Variants in ATP8B4 observed in about 807,000 individuals in gnomAD.
The protein encoded by ATP8B4 is probable phospholipid-transporting ATPase IM.
In ATP8B4, 133 loss-of-function variants were observed where a neutral mutation model predicts 145.6. The ratio of observed to expected loss-of-function variants is 0.91; its 90% CI spans 0.79 to 1.05. ATP8B4 has a LOEUF of 1.05. Ranked by LOEUF, ATP8B4 falls within the 50% of genes least tolerant of loss-of-function variation. The pLI, the probability that ATP8B4 is intolerant of heterozygous loss-of-function variation, is 0.00. For missense variants in ATP8B4, 1,458 were observed against 1,425.2 expected, an observed-to-expected ratio of 1.02 and a Z score of -0.37; for synonymous variants, 507 against 492.9, an observed-to-expected ratio of 1.03 and a Z score of -0.38.
At chr15:49,916,288 GCTACCT>G (rs1165761168) in intron 20 of ATP8B4, among the ~76,000 whole-genome samples, 1 of 152,112 alleles carries the variant, frequency 6.6e-6, no homozygotes, top group Non-Finnish European at 1.5e-5. Flanking sequence ...TCTGTCCACT[GCTACCT>G]CCAATTTCAG....
intron 14 of ATP8B4, among the ~76,000 whole-genome samples, chr15:49,953,889 C>T (rs559341491): frequency 2.6e-5 from 4 of 152,284 alleles, no homozygotes; most frequent in South Asian, 2.1e-4. Context: ...GGCTGGGTAG[C>T]GTGCTCACTC....
intron 20 of ATP8B4, among the ~76,000 whole-genome samples, chr15:49,911,526 C>T (rs1170750041): frequency 6.6e-6 from 1 of 151,952 alleles, no homozygotes; most frequent in Non-Finnish European, 1.5e-5. Flanking sequence ...CTGAAGTACC[C>T]AGATATATAA....
At chr15:50,095,969 C>T (rs1420464503) in intron 2 of ATP8B4, among the ~76,000 whole-genome samples, 1 of 152,166 alleles carries the variant, frequency 6.6e-6, no homozygotes, top group East Asian at 1.9e-4. Flanking sequence ...ACTATTAGAT[C>T]GAAATCAGCA....
intron 1 of ATP8B4, among the ~76,000 whole-genome samples, chr15:50,135,285 TA>T (rs992642481): frequency 6.6e-5 from 10 of 152,182 alleles, no homozygotes; most frequent in African/African-American, 2.4e-4. Context: ...GATAAGGAGG[TA>T]CTCTACATTT....
At chr15:50,130,988 T>C (rs189403216) in intron 1 of ATP8B4, among the ~76,000 whole-genome samples, 268 of 152,200 alleles carry the variant, frequency 1.8e-3, no homozygotes, top group Middle Eastern at 3.4e-3. Flanking sequence ...CTTACAATCA[T>C]GGCAGAAGGT....
intron 1 of ATP8B4, among the ~76,000 whole-genome samples, chr15:50,162,155 A>G (rs940275414): frequency 6.6e-5 from 10 of 152,070 alleles, no homozygotes; most frequent in Non-Finnish European, 1.5e-4. Context: ...GCTTTCTTGT[A>G]TGTTACTTTT....
chr15:49,925,342 A>T (rs1242704806), intron 16 of ATP8B4, among the ~76,000 whole-genome samples: 2 of 152,156 alleles, frequency 1.3e-5, no homozygotes, highest in Non-Finnish European at 2.9e-5. Flanking sequence ...TTGGATTCCC[A>T]TATCTGTTTC....
chr15:50,048,270 G>A (rs772312780), intron 3 of ATP8B4, among the ~76,000 whole-genome samples: 6 of 145,296 alleles, frequency 4.1e-5, no homozygotes, highest in African/African-American at 1.2e-4. Context: ...AATGCTTGTC[G>A]GGGGGCACTT....
At chr15:49,934,265 G>C in intron 14 of ATP8B4, 83 bp from the exon 15 acceptor site, 2 of 1,426,142 alleles carry the variant, frequency 1.4e-6, no homozygotes, top group East Asian at 2.4e-5. Context: ...GTTCCCCCAA[G>C]TATTTTTAGT....
chr15:49,944,741 G>C lies in ATP8B4; in HGVS notation c.1288-10559C>G, dbSNP rs144766077. On this transcript the variant is annotated intron_variant, in intron 14 of 27. Transcript: ENST00000284509. ...CAACATATATACAACAAAACATTCT[G>C]CCCAACAACAGCAGAATGCACATTC... 8.6e-4 allele frequency among the ~76,000 whole-genome samples: 131 copies of C among 152,206 alleles called. 2 individuals carry two copies. The highest frequency in any genetic ancestry group is 7.5e-3 in the South Asian group (36 of 4,824).
intron 10 of ATP8B4, among the ~76,000 whole-genome samples, chr15:49,982,035 C>G (rs1354483674): frequency 6.6e-6 from 1 of 152,006 alleles, no homozygotes; most frequent in Non-Finnish European, 1.5e-5. Flanking sequence ...AGAGAAAATG[C>G]TAAATAGAAG....
intron 23 of ATP8B4, among the ~76,000 whole-genome samples, chr15:49,881,651 G>C (rs1427588810): frequency 6.6e-6 from 1 of 152,320 alleles, no homozygotes; most frequent in East Asian, 1.9e-4. Context: ...TAGTCCACTA[G>C]TCAGGCAACC....
At chr15:50,041,023 T>C (rs1389203460) in intron 5 of ATP8B4, among the ~76,000 whole-genome samples, 3 of 152,212 alleles carry the variant, frequency 2.0e-5, no homozygotes, top group Non-Finnish European at 4.4e-5. Flanking sequence ...TTGCCTCATG[T>C]CAAACTGTTA....
At chr15:50,020,106 C>T (rs529894433) in intron 6 of ATP8B4, among the ~76,000 whole-genome samples, 7 of 152,174 alleles carry the variant, frequency 4.6e-5, no homozygotes, top group Admixed American at 4.6e-4. Flanking sequence ...AGGTGCACAC[C>T]ACCATGCCTG....
chr15:50,167,696 T>C (rs895370790), intron 1 of ATP8B4, among the ~76,000 whole-genome samples: 3 of 152,124 alleles, frequency 2.0e-5, no homozygotes, highest in African/African-American at 7.2e-5. Context: ...ATCAGAAAAT[T>C]TGGGTTATAG....
intron 22 of ATP8B4, 31 bp downstream of exon 22, chr15:49,898,037 A>G: frequency 1.9e-6 from 3 of 1,611,194 alleles, no homozygotes; most frequent in Non-Finnish European, 2.5e-6. Context: ...CCATGTATGC[A>G]GCATACCCCA....
chr15:49,966,707 T>C (rs537231911), intron 13 of ATP8B4, among the ~76,000 whole-genome samples: 5 of 152,296 alleles, frequency 3.3e-5, no homozygotes, highest in South Asian at 4.1e-4. Context: ...CAGAATTATA[T>C]GTTCCTGCCT....
chr15:50,114,005 T>C (rs1468952575), intron 1 of ATP8B4, among the ~76,000 whole-genome samples: 1 of 151,372 alleles, frequency 6.6e-6, no homozygotes, highest in Non-Finnish European at 1.5e-5. Flanking sequence ...TCTCTTTATA[T>C]TCTAGTCATG....
intron 14 of ATP8B4, among the ~76,000 whole-genome samples, chr15:49,954,361 G>T (rs2043367056): frequency 6.6e-6 from 1 of 152,102 alleles, no homozygotes; most frequent in South Asian, 2.1e-4. Context: ...AAGAGCTTCT[G>T]CACAGCAAGA....
Sources: gnomAD v4.1 joint callset for allele counts (sites outside exome capture counted in the v4.1 genomes callset) on GRCh38, gnomAD v4.1.1 for gene constraint, MANE v1.5 for transcripts, NCBI Gene and HGNC (gene_info 2026-07-23, HGNC 2026-07-21) for gene names.